The following TOM1L1 variants were observed in gnomAD, a reference collection of about 807,000 sequenced individuals.
TOM1L1 encodes the protein TOM1-like protein 1.
In TOM1L1, 64 loss-of-function variants were observed where a neutral mutation model predicts 63.4. That is an observed-to-expected ratio of 1.01 (90% CI 0.83 to 1.24). TOM1L1 has a LOEUF of 1.24. Ranked by LOEUF, TOM1L1 falls within the 50% of genes most tolerant of loss-of-function variation. The pLI is 0.00. For synonymous variants in TOM1L1, 166 were observed against 194.4 expected, an observed-to-expected ratio of 0.85 and a Z score of 1.22; for missense variants, 536 against 567.0, an observed-to-expected ratio of 0.95 and a Z score of 0.55.
chr17:54,922,586 C>T (rs1226887864), intron 7 of TOM1L1, among the ~76,000 whole-genome samples: 1 of 151,936 alleles, frequency 6.6e-6, no homozygotes. Context: ...AGAGTGAGAC[C>T]CTGTCTCAGT....
At chr17:54,960,141 T>A (rs2077078503) in intron 14 of TOM1L1, among the ~76,000 whole-genome samples, 1 of 152,048 alleles carries the variant, frequency 6.6e-6, no homozygotes, top group Non-Finnish European at 1.5e-5. Flanking sequence ...GGCGGGTGGA[T>A]CACCTGAGGT....
At chr17:54,929,077 G>C (rs2048814300) in intron 7 of TOM1L1, among the ~76,000 whole-genome samples, 1 of 152,114 alleles carries the variant, frequency 6.6e-6, no homozygotes, top group African/African-American at 2.4e-5. Context: ...AGGAAGTTCT[G>C]TTGCTTTCAT....
intron 7 of TOM1L1, among the ~76,000 whole-genome samples, chr17:54,918,285 A>C (rs1016754663): frequency 7.2e-5 from 11 of 152,344 alleles, no homozygotes; most frequent in African/African-American, 2.6e-4. Context: ...TTAAAAAATA[A>C]TAAAAACAAA....
intron 7 of TOM1L1, among the ~76,000 whole-genome samples, chr17:54,919,973 T>C (rs2048654219): frequency 6.7e-6 from 1 of 150,214 alleles, no homozygotes; most frequent in Non-Finnish European, 1.5e-5. Flanking sequence ...TTTTTGGTTT[T>C]GGTTTTTTAT....
chr17:54,933,447 T>A (rs553731769), intron 8 of TOM1L1, among the ~76,000 whole-genome samples: 140 of 152,382 alleles, frequency 9.2e-4, no homozygotes, highest in Non-Finnish European at 1.7e-3. Flanking sequence ...TTGCCAAGGT[T>A]AAGGATGCAC....
At chr17:54,959,664 C>T (rs1335809334) in intron 14 of TOM1L1, among the ~76,000 whole-genome samples, 1 of 146,632 alleles carries the variant, frequency 6.8e-6, no homozygotes, top group East Asian at 2.0e-4. Flanking sequence ...GTAGCCCAGG[C>T]TGGAGTGCAG....
chr17:54,921,507 A>C (rs1189453695), intron 7 of TOM1L1, among the ~76,000 whole-genome samples: 2 of 152,140 alleles, frequency 1.3e-5, no homozygotes, highest in African/African-American at 4.8e-5. Flanking sequence ...TGAGAGGCCA[A>C]GGCGGGTGGA....
chr17:54,923,604 G>C (rs1306121700), intron 7 of TOM1L1, among the ~76,000 whole-genome samples: 5 of 151,920 alleles, frequency 3.3e-5, no homozygotes, highest in Admixed American at 2.0e-4. Context: ...GGAGTGCAGT[G>C]GCGCGATCTC....
chr17:54,936,971 C>T, intron 9 of TOM1L1, 138 bp from the exon 10 acceptor site: 1 of 762,814 alleles, frequency 1.3e-6, no homozygotes, highest in Non-Finnish European at 2.2e-6. Context: ...GGGATTCATA[C>T]TAATGTTGCT....
At chr17:54,950,356 T>G (rs1192066139) in intron 14 of TOM1L1, among the ~76,000 whole-genome samples, 1 of 152,222 alleles carries the variant, frequency 6.6e-6, no homozygotes, top group Non-Finnish European at 1.5e-5. Context: ...AAGAAATAAC[T>G]GGAACTAACC....
chr17:54,942,465 A>G (rs1177224442), intron 11 of TOM1L1: 5 of 152,106 alleles, frequency 3.3e-5, no homozygotes, highest in African/African-American at 9.7e-5. Flanking sequence ...AAGTATAGAA[A>G]TGCTTACTAA....
At chr17:54,951,369 C>T (rs1016711388) in intron 14 of TOM1L1, among the ~76,000 whole-genome samples, 4 of 152,172 alleles carry the variant, frequency 2.6e-5, no homozygotes, top group South Asian at 2.1e-4. Context: ...CAACCCAGTC[C>T]TCTAGGGTTT....
chr17:54,942,104 A>AT (rs573003031), intron 11 of TOM1L1, among the ~76,000 whole-genome samples: 51 of 148,860 alleles, frequency 3.4e-4, no homozygotes, highest in African/African-American at 8.4e-4. Context: ...AACATAGGTC[A>AT]TTTTTTTTTT....
chr17:54,920,360 A>T (rs899302578), intron 7 of TOM1L1, among the ~76,000 whole-genome samples: 10 of 152,212 alleles, frequency 6.6e-5, no homozygotes, highest in African/African-American at 2.4e-4. Flanking sequence ...ACCAACCAAT[A>T]TTCACAATTT....
chr17:54,931,796 C>G (rs1011285693), intron 8 of TOM1L1, among the ~76,000 whole-genome samples: 4 of 151,892 alleles, frequency 2.6e-5, no homozygotes, highest in Non-Finnish European at 5.9e-5. Context: ...GAGTGAGACC[C>G]TGTCTCAAAA....
chr17:54,949,477 A>G (rs1217733219), intron 12 of TOM1L1, 41 bp from the exon 13 acceptor site: 11 of 1,473,592 alleles, frequency 7.5e-6, no homozygotes, highest in Non-Finnish European at 9.5e-6. Flanking sequence ...GAAAAGCTTA[A>G]TGTAGAACGT....
chr17:54,903,583 T>C, intron 1 of TOM1L1, 125 bp from the exon 2 acceptor site: 5 of 823,632 alleles, frequency 6.1e-6, no homozygotes, highest in Non-Finnish European at 8.0e-6. Context: ...CCAAAAAAAA[T>C]CACTTTGCCC....
At chr17:54,910,012 T>C (rs2048472143) in intron 3 of TOM1L1, among the ~76,000 whole-genome samples, 1 of 152,224 alleles carries the variant, frequency 6.6e-6, no homozygotes, top group African/African-American at 2.4e-5. Context: ...CCTGACATTC[T>C]TGATTCTAAT....
chr17:54,904,899 G>T (rs1267713695), intron 2 of TOM1L1, among the ~76,000 whole-genome samples: 2 of 152,094 alleles, frequency 1.3e-5, no homozygotes, highest in Non-Finnish European at 2.9e-5. Context: ...AGTGTGTATG[G>T]TTTTTTTCCT....
Sources: allele counts gnomAD v4.1 joint callset (sites outside exome capture counted in the v4.1 genomes callset), GRCh38; gene constraint gnomAD v4.1.1; transcripts MANE v1.5; gene names NCBI Gene and HGNC (gene_info 2026-07-23, HGNC 2026-07-21).